The following CSMD1 variants were observed in gnomAD, a reference collection of about 807,000 sequenced individuals.
The protein encoded by CSMD1 is CUB and sushi domain-containing protein 1.
Under a neutral mutation model 417.5 loss-of-function variants are expected in CSMD1, and 213 were observed. That is an observed-to-expected ratio of 0.51 (90% confidence interval 0.46 to 0.57). The LOEUF is 0.57. Among genes scored for constraint, CSMD1 ranks in the 20% least tolerant of loss-of-function variants. The pLI, the probability that CSMD1 is intolerant of heterozygous loss-of-function variation, is 0.00. For missense variants in CSMD1, 6,923 were observed against 4,529.7 expected, an observed-to-expected ratio of 1.53 and a Z score of -15.17; for synonymous variants, 2,862 against 1,736.8, an observed-to-expected ratio of 1.65 and a Z score of -16.11.
chr8:4,036,869 C>G (rs1315389598), intron 3 of CSMD1, among the ~76,000 whole-genome samples: 3 of 152,148 alleles, frequency 2.0e-5, no homozygotes, highest in Admixed American at 6.5e-5. Flanking sequence ...TGAGGTATGT[C>G]CAGTTTCCTC....
chr8:3,884,334 ATAAAG>A (rs1246063298), intron 5 of CSMD1, among the ~76,000 whole-genome samples: 1 of 152,244 alleles, frequency 6.6e-6, no homozygotes, highest in Non-Finnish European at 1.5e-5. Context: ...ACAAACTTGC[ATAAAG>A]TAATCAACTG....
At chr8:4,078,263 C>T (rs909598204) in intron 3 of CSMD1, among the ~76,000 whole-genome samples, 1 of 151,122 alleles carries the variant, frequency 6.6e-6, no homozygotes, top group Non-Finnish European at 1.5e-5. Context: ...TTGCACTATG[C>T]ATTGATAATG....
Position 3,636,974 on chromosome 8 carries a change from G to C in CSMD1, c.1010-20177C>G, listed in dbSNP as rs139238979. 4.1e-4 allele frequency among the ~76,000 whole-genome samples: 62 copies of C among 152,036 alleles called. No individual in the cohort carries two copies. In the South Asian group the frequency reaches 9.1e-3, roughly 22 times the overall value. ...GATGGATTGCTATAAATGCGAATTTGTCTCTCTCTCTCTTTCTCTCTGCTT... is the reference window on the plus strand; with the variant it reads ...GATGGATTGCTATAAATGCGAATTTCTCTCTCTCTCTCTTTCTCTCTGCTT... On this transcript the variant is annotated intron_variant, in intron 7 of 69. Coordinates refer to ENST00000635120, the MANE Select transcript of CSMD1 (RefSeq NM_033225.6).
At chr8:3,872,236 T>C (rs1056616340) in intron 5 of CSMD1, among the ~76,000 whole-genome samples, 1 of 152,186 alleles carries the variant, frequency 6.6e-6, no homozygotes, top group Admixed American at 6.5e-5. Context: ...GTCGTTGTTG[T>C]TGTTTTTAGG....
intron 3 of CSMD1, among the ~76,000 whole-genome samples, chr8:4,372,612 T>G (rs1802460126): frequency 7.0e-6 from 1 of 142,726 alleles, no homozygotes; most frequent in South Asian, 2.3e-4. Context: ...GTTTTTACTG[T>G]CAGAAAGTAA....
At chr8:3,774,380 G>T (rs914416268) in intron 5 of CSMD1, among the ~76,000 whole-genome samples, 1 of 152,014 alleles carries the variant, frequency 6.6e-6, no homozygotes. Context: ...CATCTCCCCG[G>T]GATGCAAAAC....
intron 36 of CSMD1, among the ~76,000 whole-genome samples, chr8:3,186,367 G>A (rs1341576014): frequency 6.6e-6 from 1 of 152,092 alleles, no homozygotes; most frequent in East Asian, 1.9e-4. Context: ...GACAGTAATG[G>A]GCTATTTGAA....
At chr8:4,934,754 T>C (rs556539969) in intron 1 of CSMD1, among the ~76,000 whole-genome samples, 12 of 152,190 alleles carry the variant, frequency 7.9e-5, no homozygotes, top group Non-Finnish European at 1.5e-4. Flanking sequence ...TATATCTATC[T>C]ACCTACCTAT....
chr8:3,280,245 A>C (rs1342805538), intron 26 of CSMD1, among the ~76,000 whole-genome samples: 1 of 152,192 alleles, frequency 6.6e-6, no homozygotes, highest in African/African-American at 2.4e-5. Context: ...AGGGAAAATA[A>C]ATGACATCCA....
intron 7 of CSMD1, among the ~76,000 whole-genome samples, chr8:3,622,484 T>A (rs1047291879): frequency 6.6e-6 from 1 of 152,152 alleles, no homozygotes; most frequent in Non-Finnish European, 1.5e-5. Flanking sequence ...TTAAAAGAAA[T>A]GGCAGAAATT....
rs190928161 is a variant in CSMD1, at chr8:4,798,562, G to A, written c.86-161004C>T. ...CAACTAGTCACAGGCAAGCTAAGGT[G>A]GAAAATAAACTCTCAAAAAGTTACC... On this transcript the variant is annotated intron_variant, in intron 1 of 69. Transcript: ENST00000635120. 5.1e-3 allele frequency among the ~76,000 whole-genome samples: 775 copies of A among 152,150 alleles called. 4 individuals carry two copies. The highest frequency in any genetic ancestry group is 0.018 in the African/African-American group (750 of 41,520).
chr8:3,366,195 T>G (rs1809556269), intron 20 of CSMD1, among the ~76,000 whole-genome samples: 1 of 152,170 alleles, frequency 6.6e-6, no homozygotes, highest in Non-Finnish European at 1.5e-5. Flanking sequence ...ATATGATTGT[T>G]CCCATCCTTT....
At chr8:3,425,508 A>G (rs903788955) in intron 12 of CSMD1, among the ~76,000 whole-genome samples, 2 of 151,236 alleles carry the variant, frequency 1.3e-5, no homozygotes, top group African/African-American at 4.9e-5. Flanking sequence ...GAACCGCTTG[A>G]ACCCAGGAGG....
At chr8:3,962,720 C>G (rs567206989) in intron 5 of CSMD1, among the ~76,000 whole-genome samples, 4 of 152,190 alleles carry the variant, frequency 2.6e-5, no homozygotes, top group African/African-American at 9.6e-5. Context: ...TTCTTGCAGA[C>G]TCTTCGGGTT....
intron 2 of CSMD1, among the ~76,000 whole-genome samples, chr8:4,597,333 CA>C (rs1395660205): frequency 6.6e-6 from 1 of 152,016 alleles, no homozygotes; most frequent in East Asian, 1.9e-4. Context: ...TTCAAATAAG[CA>C]GGAGAGATGG....
intron 5 of CSMD1, among the ~76,000 whole-genome samples, chr8:3,886,332 G>C (rs895140738): frequency 1.3e-5 from 2 of 152,166 alleles, no homozygotes; most frequent in African/African-American, 2.4e-5. Flanking sequence ...TACAGGCGTG[G>C]GCCACTGTGC....
chr8:4,331,447 G>A (rs545764982), intron 3 of CSMD1, among the ~76,000 whole-genome samples: 1 of 152,252 alleles, frequency 6.6e-6, no homozygotes, highest in South Asian at 2.1e-4. Context: ...CTGGTTTCTG[G>A]TAACGAGAGC....
chr8:4,969,174 G>C (rs1284016001), intron 1 of CSMD1, among the ~76,000 whole-genome samples: 2 of 152,108 alleles, frequency 1.3e-5, no homozygotes, highest in Non-Finnish European at 2.9e-5. Flanking sequence ...GGGATTGCGT[G>C]TGTGCGTGTG....
At position 3,396,400 on chromosome 8, in the gene CSMD1, C is replaced by G. The variant is rs756213050; in HGVS notation, c.2406-19G>C. 3 of 1,522,270 alleles carry G rather than the reference C, an allele frequency of 2.0e-6. No homozygotes were observed. In the African/African-American group the frequency reaches 4.1e-5, roughly 21 times the overall value. The allele number at this position is 1,522,270 out of a possible 1,614,324, so 94.3% of individuals were successfully genotyped here. ...CTGAAATCTGCAAATATATACATCC[C>G]ATCAGAAAAGACATGCAGAACTGCC... On this transcript the variant is annotated intron_variant, in intron 16 of 69. Transcript: ENST00000635120.
Sources: gnomAD v4.1 joint callset for allele counts (sites outside exome capture counted in the v4.1 genomes callset) on GRCh38, gnomAD v4.1.1 for gene constraint, MANE v1.5 for transcripts, NCBI Gene and HGNC (gene_info 2026-07-23, HGNC 2026-07-21) for gene names.